The following PPM1H variants were observed in gnomAD, a reference collection of about 807,000 sequenced individuals.
The protein encoded by PPM1H is protein phosphatase 1H.
PPM1H carries 27 observed loss-of-function variants against 54.9 expected under a neutral mutation model. That is an observed-to-expected ratio of 0.49 (90% CI 0.36 to 0.68). The LOEUF is 0.68. PPM1H is among the 30% of genes least tolerant of loss of function. The pLI, the probability that PPM1H is intolerant of heterozygous loss-of-function variation, is 0.00. For synonymous variants in PPM1H, 305 were observed against 270.8 expected, an observed-to-expected ratio of 1.13 and a Z score of -1.24; for missense variants, 596 against 667.8, an observed-to-expected ratio of 0.89 and a Z score of 1.19.
At chr12:62,701,904 C>T (rs565057460) in intron 6 of PPM1H, among the ~76,000 whole-genome samples, 1 of 152,346 alleles carries the variant, frequency 6.6e-6, no homozygotes, top group African/African-American at 2.4e-5. Flanking sequence ...CAACATCCTG[C>T]ACATTAACTC....
At chr12:62,733,223 C>T (rs2068243705) in intron 5 of PPM1H, among the ~76,000 whole-genome samples, 2 of 152,208 alleles carry the variant, frequency 1.3e-5, no homozygotes, top group African/African-American at 2.4e-5. Context: ...CATCACACTC[C>T]TATTTTCCTC....
chr12:62,680,661 C>T (rs183607059), intron 8 of PPM1H, among the ~76,000 whole-genome samples: 1 of 152,302 alleles, frequency 6.6e-6, no homozygotes, highest in Non-Finnish European at 1.5e-5. Flanking sequence ...GGTCTTCAGA[C>T]AACCCCAGCC....
intron 8 of PPM1H, among the ~76,000 whole-genome samples, chr12:62,676,923 AG>A (rs1458868861): frequency 6.6e-6 from 1 of 152,166 alleles, no homozygotes; most frequent in Non-Finnish European, 1.5e-5. Flanking sequence ...CCAGGCTGTC[AG>A]TTCCAGGTGG....
At chr12:62,893,946 C>A (rs1299531323) in intron 1 of PPM1H, among the ~76,000 whole-genome samples, 1 of 152,166 alleles carries the variant, frequency 6.6e-6, no homozygotes, top group African/African-American at 2.4e-5. Flanking sequence ...CTGGGCCACA[C>A]TATTGAATGA....
intron 2 of PPM1H, among the ~76,000 whole-genome samples, chr12:62,831,648 C>T (rs1198140129): frequency 6.6e-6 from 1 of 151,532 alleles, no homozygotes; most frequent in Non-Finnish European, 1.5e-5. Context: ...GGCTTTCGGA[C>T]TATTTCCTTA....
chr12:62,815,597 T>A (rs1427550107), intron 2 of PPM1H, among the ~76,000 whole-genome samples: 2 of 152,170 alleles, frequency 1.3e-5, no homozygotes, highest in Non-Finnish European at 2.9e-5. Flanking sequence ...CAGTTGCCAA[T>A]CCACTATTAG....
chr12:62,688,106 G>A (rs11174602), intron 8 of PPM1H, among the ~76,000 whole-genome samples: 4,050 of 151,566 alleles, frequency 0.027, 76 homozygotes, highest in Middle Eastern at 0.068. Context: ...TTCTACTATC[G>A]AAATTGGGAG....
intron 1 of PPM1H, among the ~76,000 whole-genome samples, chr12:62,857,079 T>C (rs1203091667): frequency 6.6e-6 from 1 of 152,220 alleles, no homozygotes; most frequent in Non-Finnish European, 1.5e-5. Flanking sequence ...TCTGGAATCA[T>C]ATAATTCCCT....
In PPM1H at chr12:62,671,557, T is replaced by C. The variant is rs546566425; in HGVS notation, c.1246-4228A>G. Among the ~76,000 whole-genome samples, 3 of 152,252 alleles carry C rather than the reference T, an allele frequency of 2.0e-5. No individual in the cohort carries two copies. In the South Asian group the frequency reaches 6.2e-4, roughly 32 times the overall value. ...AAGCCTCTCACAACTTCTAAACTAG[T>C]AGATGAGATAGACACCCAAATAAAT... On this transcript the variant is annotated intron_variant, in intron 8 of 9. Transcript: ENST00000228705.
intron 4 of PPM1H, among the ~76,000 whole-genome samples, chr12:62,767,293 C>A (rs1373012397): frequency 5.3e-5 from 8 of 151,894 alleles, no homozygotes; most frequent in Non-Finnish European, 1.0e-4. Context: ...GGGCAGCCTG[C>A]ATTTCAGTGG....
At chr12:62,850,520 A>G (rs1035609004) in intron 1 of PPM1H, among the ~76,000 whole-genome samples, 1 of 151,738 alleles carries the variant, frequency 6.6e-6, no homozygotes, top group Non-Finnish European at 1.5e-5. Flanking sequence ...TTAAACAACT[A>G]TAGGACAAAA....
intron 5 of PPM1H, among the ~76,000 whole-genome samples, chr12:62,723,531 G>T (rs1335579919): frequency 3.9e-5 from 6 of 152,172 alleles, no homozygotes; most frequent in Non-Finnish European, 8.8e-5. Context: ...GTGAATTAAT[G>T]CTGCTATAGA....
intron 1 of PPM1H, among the ~76,000 whole-genome samples, chr12:62,910,437 G>A (rs922716156): frequency 6.6e-6 from 1 of 151,946 alleles, no homozygotes; most frequent in Non-Finnish European, 1.5e-5. Context: ...ATTGGCAGGA[G>A]GGCATTCAAA....
intron 4 of PPM1H, 23 bp downstream of exon 4, chr12:62,788,203 A>C (rs368782335): frequency 1.4e-6 from 2 of 1,441,286 alleles, no homozygotes; most frequent in African/African-American, 2.8e-5. Context: ...AATTAGCAAG[A>C]ATCAGACAGC....
chr12:62,794,065 T>A (rs1406690217), intron 3 of PPM1H, among the ~76,000 whole-genome samples: 2 of 152,172 alleles, frequency 1.3e-5, no homozygotes, highest in Non-Finnish European at 2.9e-5. Flanking sequence ...ATGGTTTTAG[T>A]ATCCAAATCT....
At chr12:62,852,502 G>T (rs1030007335) in intron 1 of PPM1H, among the ~76,000 whole-genome samples, 1 of 152,142 alleles carries the variant, frequency 6.6e-6, no homozygotes, top group Admixed American at 6.5e-5. Context: ...CTCAGTCTGC[G>T]ATACTTTGTT....
At chr12:62,931,427 C>A (rs1245690202) in intron 1 of PPM1H, among the ~76,000 whole-genome samples, 1 of 152,234 alleles carries the variant, frequency 6.6e-6, no homozygotes, top group African/African-American at 2.4e-5. Context: ...ACTTGTCTTT[C>A]TCTTTCCTTC....
intron 2 of PPM1H, among the ~76,000 whole-genome samples, chr12:62,821,372 C>G (rs957338933): frequency 6.6e-6 from 1 of 152,174 alleles, no homozygotes; most frequent in Admixed American, 6.5e-5. Context: ...AGGAGAACTT[C>G]CCCAGCCTAG....
chr12:62,839,091 C>T (rs1268507506), intron 1 of PPM1H, among the ~76,000 whole-genome samples: 3 of 152,118 alleles, frequency 2.0e-5, no homozygotes, highest in Non-Finnish European at 4.4e-5. Flanking sequence ...TTGGCTTTCA[C>T]GTTTTTGAAG....
Sources: gnomAD v4.1 joint callset for allele counts (sites outside exome capture counted in the v4.1 genomes callset) on GRCh38, gnomAD v4.1.1 for gene constraint, MANE v1.5 for transcripts, NCBI Gene and HGNC (gene_info 2026-07-23, HGNC 2026-07-21) for gene names.